PTPRE: variants seen among roughly 807,000 people sequenced by gnomAD.
PTPRE encodes receptor-type tyrosine-protein phosphatase epsilon.
In PTPRE, 51 loss-of-function variants were observed where a neutral mutation model predicts 102.0. The ratio of observed to expected loss-of-function variants is 0.50; its 90% CI spans 0.40 to 0.63. The LOEUF is 0.63. Among genes scored for constraint, PTPRE ranks in the 30% least tolerant of loss-of-function variants. The probability of loss-of-function intolerance (pLI) is 0.00; values close to 1 mark genes in which losing one functional copy is unlikely to be tolerated. For missense variants in PTPRE, 752 were observed against 915.1 expected (o/e 0.82, Z 2.30); for synonymous variants, 345 against 348.2 (o/e 0.99, Z 0.10).
rs187473959 is a variant in PTPRE, at chr10:127,950,620, A to T, written c.-30-31654A>T. ...TTACAGTGGGAACCTCAGTCACTCA[A>T]TTAGGAAACTTAAATGCTATGGGGA... On this transcript the variant is annotated intron_variant, in intron 1 of 20. Coordinates refer to ENST00000254667, the MANE Select transcript of PTPRE (RefSeq NM_006504.6). Among the ~76,000 whole-genome samples, 368 of 152,322 alleles carry T rather than the reference A, an allele frequency of 2.4e-3. 2 individuals carry two copies. Among genetic ancestry groups the T allele is most frequent in the African/African-American group, 8.7e-3 (361 of 41,582 alleles).
chr10:127,920,672 G>A (rs1213801271), intron 1 of PTPRE, among the ~76,000 whole-genome samples: 2 of 152,170 alleles, frequency 1.3e-5, no homozygotes, highest in Admixed American at 6.5e-5. Context: ...ATACACTGGC[G>A]GGGCTGAAGG....
chr10:127,965,659 G>C (rs768982828), intron 1 of PTPRE, among the ~76,000 whole-genome samples: 1 of 152,118 alleles, frequency 6.6e-6, no homozygotes, highest in Non-Finnish European at 1.5e-5. Context: ...TATTTTAGCG[G>C]CCAGATGTTA....
chr10:128,065,105 C>T (rs1191260057), intron 10 of PTPRE, among the ~76,000 whole-genome samples: 1 of 150,232 alleles, frequency 6.7e-6, no homozygotes, highest in African/African-American at 2.4e-5. Flanking sequence ...GCCTGTGACC[C>T]ACAGCCCCGC....
chr10:128,021,027 T>C (rs1045418587), intron 2 of PTPRE, among the ~76,000 whole-genome samples: 2 of 152,000 alleles, frequency 1.3e-5, no homozygotes, highest in African/African-American at 4.8e-5. Context: ...CCCGAGTAGC[T>C]GGGACTACAG....
intron 1 of PTPRE, among the ~76,000 whole-genome samples, chr10:127,952,684 G>A (rs1237365554): frequency 2.0e-5 from 3 of 152,156 alleles, no homozygotes; most frequent in African/African-American, 4.8e-5. Context: ...AGGGGATAAA[G>A]TGCTTGTTAA....
chr10:127,992,346 C>T (rs1013959851), intron 2 of PTPRE, among the ~76,000 whole-genome samples: 2 of 152,102 alleles, frequency 1.3e-5, no homozygotes, highest in African/African-American at 4.8e-5. Context: ...AGTGGAGTCA[C>T]CTCTGCAAGG....
rs555691374 is a variant in PTPRE at position 127,962,494 on chromosome 10, A to G, written c.-30-19780A>G. Among the ~76,000 whole-genome samples the G allele has an allele frequency of 1.6e-3, 249 of 152,332 alleles. 2 individuals are homozygous for G. Among genetic ancestry groups the G allele is most frequent in the African/African-American group, 5.7e-3 (239 of 41,588 alleles). ...GACACAGACCTCCCCGGGGAAGCAG[A>G]GACCACCCTGCATCTGAACGGGGAG... On this transcript the variant is annotated intron_variant, in intron 1 of 20. Coordinates refer to ENST00000254667, the MANE Select transcript of PTPRE (RefSeq NM_006504.6).
At chr10:127,910,186 C>T (rs1845771621) in intron 1 of PTPRE, among the ~76,000 whole-genome samples, 1 of 152,162 alleles carries the variant, frequency 6.6e-6, no homozygotes, top group African/African-American at 2.4e-5. Context: ...GTTCTAAGAA[C>T]ATCTCTAGTT....
At chr10:127,909,264 G>T (rs1380095693) in intron 1 of PTPRE, among the ~76,000 whole-genome samples, 2 of 152,188 alleles carry the variant, frequency 1.3e-5, no homozygotes, top group Non-Finnish European at 2.9e-5. Context: ...AAGAGAGGTG[G>T]CTGTGTGTGC....
In PTPRE at chr10:128,082,889, T is replaced by G. The variant is rs1315661415; in HGVS notation, c.2086T>G (p.Tyr696Asp). ...VQDFIDIFSD[Y>D]ANFK ...AGATTTTATTGATATATTTTCTGATTATGCTAATTTCAAATGAAGATTCCT... is the reference window on the plus strand; with the variant it reads ...AGATTTTATTGATATATTTTCTGATGATGCTAATTTCAAATGAAGATTCCT... The change falls in exon 21 of 21, where the codon TAT becomes GAT. Residue 696 changes from tyrosine (Y) to aspartate (D), a missense_variant. This residue lies in a region of PTPRE where 636 missense variants were observed against 824.4 expected (regional missense o/e 0.77). Transcript: ENST00000254667. The G allele has an allele frequency of 1.3e-6, 2 of 1,554,326 alleles. No homozygotes were observed. Among genetic ancestry groups the G allele is most frequent in the East Asian group, 4.8e-5 (2 of 41,318 alleles).
chr10:128,074,429 T>A (rs1369391364), intron 17 of PTPRE, among the ~76,000 whole-genome samples: 1 of 152,130 alleles, frequency 6.6e-6, no homozygotes, highest in East Asian at 1.9e-4. Flanking sequence ...CCTTTGGGAG[T>A]CCAAGGCGGG....
chr10:128,061,830 C>T (rs1849619538), intron 9 of PTPRE, 115 bp downstream of exon 9: 4 of 1,283,596 alleles, frequency 3.1e-6, no homozygotes, highest in Non-Finnish European at 4.2e-6. Flanking sequence ...TGTGTGTTTA[C>T]ACCTAACAGA....
intron 2 of PTPRE, among the ~76,000 whole-genome samples, chr10:128,006,719 G>C (rs933372507): frequency 6.6e-5 from 10 of 152,130 alleles, no homozygotes; most frequent in Admixed American, 6.5e-4. Context: ...GGGGATAAAA[G>C]AATAGAGAAA....
intron 1 of PTPRE, among the ~76,000 whole-genome samples, chr10:127,952,498 A>G (rs1849108261): frequency 6.6e-6 from 1 of 152,194 alleles, no homozygotes; most frequent in Non-Finnish European, 1.5e-5. Flanking sequence ...TTTACTTATA[A>G]GCTCAGGGGA....
rs764003978 is a variant in PTPRE, at chr10:128,077,707, G to A, written c.1816G>A (p.Gly606Ser). The A allele has an allele frequency of 1.9e-6, 3 of 1,613,928 alleles. No homozygotes were observed. The South Asian group carries it at 3.3e-5, about 18-fold the overall frequency. ...GATCGGGATTCCCGCCGAGGGCAAA[G>A]GCATGATTGACCTCATCGCAGCCGT... Reference protein sequence around the residue: ...PEIGIPAEGKGMIDLIAAVQK... With the variant: ...PEIGIPAEGKSMIDLIAAVQK... The change falls in exon 19 of 21, where the codon GGC becomes AGC. Residue 606 changes from glycine to serine, a missense_variant. Coordinates refer to ENST00000254667, the MANE Select transcript of PTPRE (RefSeq NM_006504.6).
At chr10:128,065,162 C>T (rs567014441) in intron 10 of PTPRE, among the ~76,000 whole-genome samples, 2 of 152,272 alleles carry the variant, frequency 1.3e-5, no homozygotes, top group South Asian at 2.1e-4. Context: ...TGTCGGTAGC[C>T]GTCATAACAC....
At chr10:127,989,447 G>A (rs1852415057) in intron 2 of PTPRE, among the ~76,000 whole-genome samples, 1 of 152,170 alleles carries the variant, frequency 6.6e-6, no homozygotes, top group South Asian at 2.1e-4. Context: ...CCCTAAACAT[G>A]CAGAGGCAGC....
intron 2 of PTPRE, among the ~76,000 whole-genome samples, chr10:128,013,210 A>G (rs964171127): frequency 1.1e-4 from 16 of 152,216 alleles, no homozygotes; most frequent in Admixed American, 2.0e-4. Context: ...GAACTGTATT[A>G]CTTCAAGTGT....
intron 16 of PTPRE, 76 bp from the exon 17 acceptor site, chr10:128,073,261 T>A: frequency 1.3e-6 from 2 of 1,584,750 alleles, no homozygotes; most frequent in Non-Finnish European, 1.7e-6. Flanking sequence ...CCTTAGGCTG[T>A]CCTAAACTTA....
Sources: allele counts gnomAD v4.1 joint callset (sites outside exome capture counted in the v4.1 genomes callset), GRCh38; gene constraint gnomAD v4.1.1; regional missense constraint gnomAD v4.1.1; transcripts MANE v1.5; gene names NCBI Gene and HGNC (gene_info 2026-07-23, HGNC 2026-07-21).